Variants in CCT3 observed in about 807,000 individuals in gnomAD.
The protein encoded by CCT3 is chaperonin containing TCP1 subunit 3, also known as T-complex protein 1 subunit gamma.
Under a neutral mutation model 65.3 loss-of-function variants are expected in CCT3, and 10 were observed. That is an observed-to-expected ratio of 0.15 (90% CI 0.09 to 0.26). The LOEUF (loss-of-function observed/expected upper bound fraction) is 0.26. Among genes scored for constraint, CCT3 ranks in the 10% least tolerant of loss-of-function variants. The pLI is 1.00. For missense variants in CCT3, 626 were observed against 708.7 expected (o/e 0.88, Z 1.33); for synonymous variants, 225 against 242.3 (o/e 0.93, Z 0.66).
Position 156,335,151 on chromosome 1 carries a change from G to A in CCT3, c.94-233C>T, listed in dbSNP as rs577160849. 3.9e-5 allele frequency: 19 copies of A among 487,618 alleles called. No homozygotes were observed. The South Asian group carries it at 4.2e-4, about 11-fold the overall frequency. 30.2% of individuals were successfully genotyped at this position (487,618 alleles called of 1,614,324 possible). On this transcript the variant is annotated intron_variant, in intron 2 of 13. Transcript: ENST00000295688. ...CTCCCAAAGTGTTGGGATTAGAGGC[G>A]TGAGCCATTCCGCCCAGCCAGAGTC... is the stretch of plus-strand genomic sequence containing the variant.
chr1:156,311,996 T>C, intron 11 of CCT3, 45 bp downstream of exon 11: 1 of 1,491,256 alleles, frequency 6.7e-7, no homozygotes, highest in Non-Finnish European at 9.0e-7. Flanking sequence ...TCTCAAGAAG[T>C]TCAGTGATCT....
chr1:156,325,337 G>C (rs1157767366), intron 5 of CCT3, among the ~76,000 whole-genome samples: 2 of 152,106 alleles, frequency 1.3e-5, no homozygotes, highest in Non-Finnish European at 2.9e-5. Context: ...ATCAGCCTGG[G>C]CAACACAGTG....
chr1:156,330,461 T>A (rs1292361593), intron 5 of CCT3, among the ~76,000 whole-genome samples: 1 of 151,894 alleles, frequency 6.6e-6, no homozygotes, highest in African/African-American at 2.4e-5. Flanking sequence ...TGATAGAGTT[T>A]GACACCAGCC....
chr1:156,314,346 G>A (rs928949798), intron 10 of CCT3, among the ~76,000 whole-genome samples: 6 of 152,150 alleles, frequency 3.9e-5, no homozygotes, highest in African/African-American at 1.4e-4. Context: ...AACTGGCATA[G>A]CGGTGGTGAA....
intron 11 of CCT3, 115 bp downstream of exon 11, chr1:156,311,926 T>C: frequency 2.9e-6 from 2 of 693,452 alleles, no homozygotes; most frequent in Admixed American, 3.4e-5. Flanking sequence ...TTTGTGGCTA[T>C]AGGTCCAAAT....
chr1:156,333,096 C>T (rs1558274081), intron 5 of CCT3: 1 of 193,422 alleles, frequency 5.2e-6, no homozygotes, highest in Non-Finnish European at 1.1e-5. Context: ...GAGATCGAGA[C>T]CATCTGGCCA....
chr1:156,334,859 T>G lies in CCT3; in HGVS notation c.144+9A>C, dbSNP rs1665268460. Reference sequence around the variant, plus strand: ...GTAGCCTAAGAGTTTTAGGAAGAGATAAGCCTACCTTCATCATGGACTTGG... The same window carrying G: ...GTAGCCTAAGAGTTTTAGGAAGAGAGAAGCCTACCTTCATCATGGACTTGG... On this transcript the variant is annotated intron_variant, in intron 3 of 13. Transcript: ENST00000295688. The G allele has an allele frequency of 1.2e-6, 2 of 1,614,024 alleles. No individual in the cohort carries two copies. The highest frequency in any genetic ancestry group is 1.7e-6 in the Non-Finnish European group (2 of 1,179,912).
intron 6 of CCT3, among the ~76,000 whole-genome samples, chr1:156,322,956 AAC>A (rs1348203842): frequency 1.3e-5 from 2 of 152,070 alleles, no homozygotes; most frequent in Non-Finnish European, 2.9e-5. Context: ...AATTAGATCA[AAC>A]ACCTCATTCT....
chr1:156,327,505 C>G (rs949201232), intron 5 of CCT3, among the ~76,000 whole-genome samples: 1 of 152,228 alleles, frequency 6.6e-6, no homozygotes. Flanking sequence ...GTTGGCCGGG[C>G]TGGTCTCCAG....
chr1:156,334,899 C>T lies in CCT3; in HGVS notation c.113G>A (p.Arg38Gln), dbSNP rs1471874005. Residue 38 changes from arginine (R) to glutamine (Q), a missense_variant, in exon 3 of 14, where the codon CGA (arginine) becomes CAA (glutamine). Transcript: ENST00000295688. ...NAAKTIADII[R>Q]TCLGPKSMMK... ...CATGGACTTGGGTCCCAAACATGTT[C>T]GGATGATATCTGCAATAGTCTAATG... The T allele has an allele frequency of 5.0e-6, 8 of 1,613,804 alleles. No individual in the cohort carries two copies. The highest frequency in any genetic ancestry group is 2.7e-5 in the African/African-American group (2 of 74,860).
chr1:156,326,162 T>C (rs987805629), intron 5 of CCT3, among the ~76,000 whole-genome samples: 3 of 151,730 alleles, frequency 2.0e-5, no homozygotes, highest in Non-Finnish European at 4.4e-5. Context: ...AGCAAAACCC[T>C]GTCTCTACGA....
At position 156,317,712 on chromosome 1, in the gene CCT3, C is replaced by CT. The variant is rs1328262657; in HGVS notation, c.760-166dup. Among the ~76,000 whole-genome samples, 342 of 141,808 alleles carry CT rather than the reference C, an allele frequency of 2.4e-3. 1 individual carries two copies. Among genetic ancestry groups the CT allele is most frequent in the African/African-American group, 4.5e-3 (176 of 38,922 alleles). The allele number at this position is 141,808 out of a possible 152,430, so 93.0% of individuals were successfully genotyped here. A position where few individuals can be genotyped will look rare whatever the true frequency, so the allele number is the denominator to read the frequency against. ...GTAAGCCAATTTAGCTTTAGTTTTG[C>CT]TTTTTTTTTTTTTTGAGACGGAATC... On this transcript the variant is annotated intron_variant, in intron 8 of 13. Transcript: ENST00000295688.
chr1:156,333,883 G>T (rs1429736004), intron 4 of CCT3, among the ~76,000 whole-genome samples: 1 of 152,194 alleles, frequency 6.6e-6, no homozygotes, highest in African/African-American at 2.4e-5. Flanking sequence ...AGGACAGAAC[G>T]ATATCTTTTA....
At chr1:156,327,749 A>G (rs1392840071) in intron 5 of CCT3, among the ~76,000 whole-genome samples, 2 of 145,604 alleles carry the variant, frequency 1.4e-5, no homozygotes, top group Non-Finnish European at 3.0e-5. Flanking sequence ...CTGGCCGCCC[A>G]TCGTCTGGGA....
chr1:156,317,654 G>T, intron 8 of CCT3, 107 bp from the exon 9 acceptor site: 1 of 1,087,540 alleles, frequency 9.2e-7, no homozygotes, highest in Non-Finnish European at 1.3e-6. Context: ...CTCAGAGTCA[G>T]AATTATGTTA....
intron 5 of CCT3, chr1:156,333,180 C>T: frequency 7.6e-6 from 2 of 262,674 alleles, no homozygotes; most frequent in South Asian, 7.0e-5. Flanking sequence ...ATAGTCCCAG[C>T]TACTTGGGAG....
In CCT3 at chr1:156,338,174, T is replaced by C. The variant is rs1446111858; in HGVS notation, c.11A>G (p.His4Arg). Residue 4 changes from histidine to arginine, a missense_variant, in exon 1 of 14, where the codon CAT becomes CGT. By Grantham distance (29) the His-to-Arg change is conservative. Coordinates refer to ENST00000295688, the MANE Select transcript of CCT3 (RefSeq NM_005998.5). MMGHRPVLVLSQNT... is the reference protein window; with the variant it reads MMGRRPVLVLSQNT... Reference sequence around the variant, plus strand: ...CTCACTGAGCACGAGCACTGGACGATGGCCCATCATGGCGACGCGATGCAG... The same window carrying C: ...CTCACTGAGCACGAGCACTGGACGACGGCCCATCATGGCGACGCGATGCAG... 8 of 1,588,418 alleles carry C rather than the reference T, an allele frequency of 5.0e-6. No homozygotes were observed. The highest frequency in any genetic ancestry group is 1.9e-5 in the Admixed American group (1 of 53,848).
In CCT3 at chr1:156,338,219, G is replaced by C. The variant is rs778368965; in HGVS notation, c.-35C>G. Reference sequence around the variant, plus strand: ...ATGCAGAGCCGGGTACCCAGAGCTGGGGGAACCGGCAGAACCTTCTGGAGA... The same window carrying C: ...ATGCAGAGCCGGGTACCCAGAGCTGCGGGAACCGGCAGAACCTTCTGGAGA... On this transcript the variant is annotated 5_prime_UTR_variant, in exon 1 of 14. Transcript: ENST00000295688. 3.8e-6 allele frequency: 6 copies of C among 1,575,272 alleles called. No individual in the cohort carries two copies. The highest frequency in any genetic ancestry group is 1.7e-4 in the Middle Eastern group (1 of 5,998).
chr1:156,338,195 T>C lies in CCT3; in HGVS notation c.-11A>G. 6.3e-7 allele frequency: 1 copy of C among 1,586,432 alleles called. No individual in the cohort carries two copies. Among genetic ancestry groups the C allele is most frequent in the Non-Finnish European group, 8.6e-7 (1 of 1,167,966 alleles). On this transcript the variant is annotated 5_prime_UTR_variant, in exon 1 of 14. Coordinates refer to ENST00000295688, the MANE Select transcript of CCT3 (RefSeq NM_005998.5). Reference sequence around the variant, plus strand: ...ACGATGGCCCATCATGGCGACGCGATGCAGAGCCGGGTACCCAGAGCTGGG... The same window carrying C: ...ACGATGGCCCATCATGGCGACGCGACGCAGAGCCGGGTACCCAGAGCTGGG...
Sources: gnomAD v4.1 joint callset for allele counts (sites outside exome capture counted in the v4.1 genomes callset) on GRCh38, gnomAD v4.1.1 for gene constraint, MANE v1.5 for transcripts, NCBI Gene and HGNC (gene_info 2026-07-23, HGNC 2026-07-21) for gene names.